DNAJC5: variants seen among roughly 807,000 people sequenced by gnomAD.
DNAJC5 encodes the protein dnaJ homolog subfamily C member 5.
A neutral mutation model predicts 23.2 loss-of-function variants in DNAJC5; 1 was observed. The ratio of observed to expected loss-of-function variants is 0.04; its 90% CI spans 0.02 to 0.20. DNAJC5 has a LOEUF of 0.20. Among genes scored for constraint, DNAJC5 ranks in the 10% least tolerant of loss-of-function variants. DNAJC5 has a pLI of 1.00. For missense variants in DNAJC5, 180 were observed against 267.0 expected (o/e 0.67, Z 2.27); for synonymous variants, 136 against 120.0 (o/e 1.13, Z -0.87).
At chr20:63,930,110 T>C (rs1414426215) in intron 3 of DNAJC5, among the ~76,000 whole-genome samples, 1 of 152,256 alleles carries the variant, frequency 6.6e-6, no homozygotes, top group Non-Finnish European at 1.5e-5. Context: ...AATCACTGCA[T>C]GGCATTTGTG....
intron 1 of DNAJC5, among the ~76,000 whole-genome samples, chr20:63,910,834 G>A (rs533591494): frequency 1.3e-5 from 2 of 151,890 alleles, no homozygotes; most frequent in African/African-American, 4.8e-5. Flanking sequence ...CACCACACCC[G>A]GCTAATTTTT....
intron 1 of DNAJC5, among the ~76,000 whole-genome samples, chr20:63,916,361 C>T (rs1418375443): frequency 3.9e-5 from 6 of 152,256 alleles, no homozygotes; most frequent in East Asian, 3.9e-4. Flanking sequence ...TACAGCTGGG[C>T]CCCCCGGGTG....
rs1433094609 is a variant in DNAJC5 at position 63,933,958 on chromosome 20, G to A, written c.*2390G>A. 4 of 152,418 alleles carry A rather than the reference G, an allele frequency of 2.6e-5. No individual in the cohort carries two copies. The highest frequency in any genetic ancestry group is 4.4e-5 in the Non-Finnish European group (3 of 68,084). The allele number at this position is 152,418 out of a possible 1,614,324, so 9.4% of individuals were successfully genotyped here. ...AGCTCCCTGCGGAAGGTGGGGTAGG[G>A]TGGGAAAGAGGAGCAGGTCTGGAGG... On this transcript the variant is annotated 3_prime_UTR_variant, in exon 5 of 5. Coordinates refer to ENST00000360864, the MANE Select transcript of DNAJC5 (RefSeq NM_025219.3).
intron 1 of DNAJC5, among the ~76,000 whole-genome samples, chr20:63,899,920 A>G (rs759837874): frequency 8.4e-5 from 10 of 118,670 alleles, no homozygotes; most frequent in Non-Finnish European, 1.7e-4. Flanking sequence ...ACGGAGTCTC[A>G]CTCTGTCACC....
In DNAJC5 at chr20:63,928,271, T is replaced by G; in HGVS notation, c.-11-64T>G. ...GAACGGTCTTATGGAATAAAGTCCA[T>G]CAGCTCTGCCCTTGGTACTTTCATC... On this transcript the variant is annotated intron_variant, in intron 1 of 4. Transcript: ENST00000360864. The surrounding 1 kb of genome is among the most constrained non-coding windows in gnomAD (Gnocchi z 4.6). 7.4e-7 allele frequency: 1 copy of G among 1,343,374 alleles called. No homozygotes were observed. The highest frequency in any genetic ancestry group is 1.1e-6 in the Non-Finnish European group (1 of 944,758). 83.2% of individuals were successfully genotyped at this position (1,343,374 alleles called of 1,614,324 possible). A position where few individuals can be genotyped will look rare whatever the true frequency, so the allele number is the denominator to read the frequency against.
chr20:63,899,668 G>A (rs536192122), intron 1 of DNAJC5, among the ~76,000 whole-genome samples: 1 of 152,246 alleles, frequency 6.6e-6, no homozygotes, highest in Admixed American at 6.5e-5. Flanking sequence ...TGCAACCTCT[G>A]CCTCCTGGGT....
intron 1 of DNAJC5, chr20:63,919,382 G>A (rs1395966032): frequency 9.7e-6 from 5 of 514,824 alleles, no homozygotes; most frequent in African/African-American, 3.9e-5. Context: ...GGGAGAGGAC[G>A]CACCCGGCTG....
At chr20:63,896,117 C>T (rs1272977313) in intron 1 of DNAJC5, among the ~76,000 whole-genome samples, 1 of 152,212 alleles carries the variant, frequency 6.6e-6, no homozygotes, top group African/African-American at 2.4e-5. Context: ...TTAGACACGT[C>T]TGCCCTTATT....
At chr20:63,923,796 A>G (rs2053590186) in intron 1 of DNAJC5, among the ~76,000 whole-genome samples, 1 of 152,248 alleles carries the variant, frequency 6.6e-6, no homozygotes, top group South Asian at 2.1e-4. Flanking sequence ...AATGGTAAGA[A>G]TGAAAAGAAA....
At chr20:63,898,965 C>T (rs1411176248) in intron 1 of DNAJC5, among the ~76,000 whole-genome samples, 4 of 152,196 alleles carry the variant, frequency 2.6e-5, no homozygotes, top group Non-Finnish European at 5.9e-5. Context: ...CTGTCAGACA[C>T]ACCTCCTGCC....
At chr20:63,900,112 C>G (rs909692240) in intron 1 of DNAJC5, among the ~76,000 whole-genome samples, 5 of 150,810 alleles carry the variant, frequency 3.3e-5, no homozygotes, top group Admixed American at 3.3e-4. Context: ...TGGTCTTGAA[C>G]TCCTGACCTC....
chr20:63,909,375 C>A (rs1266814504), intron 1 of DNAJC5, among the ~76,000 whole-genome samples: 1 of 151,088 alleles, frequency 6.6e-6, no homozygotes, highest in African/African-American at 2.4e-5. Flanking sequence ...TGGTGGCGGG[C>A]GCCTGTAGTC....
chr20:63,923,230 A>G (rs1600878762), intron 1 of DNAJC5, among the ~76,000 whole-genome samples: 1 of 151,142 alleles, frequency 6.6e-6, no homozygotes, highest in Non-Finnish European at 1.5e-5. Context: ...CTGAGGCAGG[A>G]GGATCACTTG....
Position 63,931,459 on chromosome 20 carries a change from T to C in DNAJC5, c.494-6T>C. On this transcript the variant is annotated splice_region_variant and splice_polypyrimidine_tract_variant and intron_variant, in intron 4 of 4. Transcript: ENST00000360864. The surrounding 1 kb of genome is among the most constrained non-coding windows in gnomAD (Gnocchi z 9.6). ...TCGTGCAGTGCCCTGTGTGCTTGCT[T>C]TTCAGAGGCCACAGACACGCCGATC... 1 of 1,550,454 alleles carries C rather than the reference T, an allele frequency of 6.4e-7. No individual in the cohort carries two copies.
intron 1 of DNAJC5, among the ~76,000 whole-genome samples, chr20:63,925,332 A>G (rs529618937): frequency 5.3e-5 from 8 of 152,076 alleles, no homozygotes; most frequent in Non-Finnish European, 1.2e-4. Flanking sequence ...AAAAATACAA[A>G]AATTACCTGG....
intron 1 of DNAJC5, among the ~76,000 whole-genome samples, chr20:63,921,941 G>A (rs2053576858): frequency 6.6e-6 from 1 of 152,024 alleles, no homozygotes; most frequent in Admixed American, 6.6e-5. Flanking sequence ...GTCACACCCA[G>A]CTAATTTTTG....
At chr20:63,916,851 C>T (rs749840961) in intron 1 of DNAJC5, among the ~76,000 whole-genome samples, 6 of 152,148 alleles carry the variant, frequency 3.9e-5, no homozygotes, top group Admixed American at 1.3e-4. Flanking sequence ...CTTGCACGTC[C>T]GCTTATAGGC....
At chr20:63,918,857 G>A (rs2053537794) in intron 1 of DNAJC5, among the ~76,000 whole-genome samples, 1 of 152,228 alleles carries the variant, frequency 6.6e-6, no homozygotes, top group Non-Finnish European at 1.5e-5. Context: ...GCCTCCCAAA[G>A]TGCTGGGATT....
chr20:63,917,278 T>C (rs2053521194), intron 1 of DNAJC5, among the ~76,000 whole-genome samples: 1 of 138,080 alleles, frequency 7.2e-6, no homozygotes, highest in African/African-American at 2.8e-5. Flanking sequence ...TTTTTCGAGA[T>C]GGAGTCTCAC....
Sources: gnomAD v4.1 joint callset for allele counts (sites outside exome capture counted in the v4.1 genomes callset) on GRCh38, gnomAD v4.1.1 for gene constraint, Gnocchi (gnomAD v3.1) non-coding constraint, MANE v1.5 for transcripts, NCBI Gene and HGNC (gene_info 2026-07-23, HGNC 2026-07-21) for gene names.